TBC1D19: variants seen among roughly 807,000 people sequenced by gnomAD.
TBC1D19 encodes TBC1 domain family member 19.
In TBC1D19, 60 loss-of-function variants were observed where a neutral mutation model predicts 89.0. The ratio of observed to expected loss-of-function variants is 0.67; its 90% CI spans 0.55 to 0.84. TBC1D19 has a LOEUF of 0.84. Ranked by LOEUF, TBC1D19 falls within the 40% of genes least tolerant of loss-of-function variation. The probability of loss-of-function intolerance (pLI) is 0.00; values close to 1 mark genes in which losing one functional copy is unlikely to be tolerated. For missense variants in TBC1D19, 500 were observed against 610.8 expected, an observed-to-expected ratio of 0.82 and a Z score of 1.91; for synonymous variants, 189 against 199.7, an observed-to-expected ratio of 0.95 and a Z score of 0.45.
At chr4:26,612,709 A>T (rs1335553883) in intron 1 of TBC1D19, among the ~76,000 whole-genome samples, 2 of 152,160 alleles carry the variant, frequency 1.3e-5, no homozygotes, top group Non-Finnish European at 2.9e-5. Context: ...TATTTTCTAC[A>T]AATATACACA....
intron 15 of TBC1D19, among the ~76,000 whole-genome samples, chr4:26,734,605 G>A (rs1034447561): frequency 3.3e-5 from 5 of 152,096 alleles, no homozygotes; most frequent in South Asian, 2.1e-4. Flanking sequence ...AATTTGTATC[G>A]TATTTCTGCC....
the TBC1D19 span, among the ~76,000 whole-genome samples, chr4:26,853,572 C>T: frequency 1.3e-5 from 2 of 152,102 alleles, no homozygotes; most frequent in African/African-American, 2.4e-5. Flanking sequence ...GAGTCTCGCT[C>T]CGTCGCCCAG....
chr4:26,826,079 G>A, the TBC1D19 span, among the ~76,000 whole-genome samples: 1 of 152,166 alleles, frequency 6.6e-6, no homozygotes, highest in African/African-American at 2.4e-5. Context: ...GCATGCACCT[G>A]TAATCCCAGC....
the TBC1D19 span, among the ~76,000 whole-genome samples, chr4:26,788,447 G>A: frequency 1.3e-5 from 2 of 152,152 alleles, no homozygotes; most frequent in Admixed American, 6.5e-5. Context: ...AGGGCACATA[G>A]TTTTAATCAG....
chr4:26,830,296 G>T, the TBC1D19 span, among the ~76,000 whole-genome samples: 32 of 152,258 alleles, frequency 2.1e-4, no homozygotes, highest in African/African-American at 7.7e-4. Flanking sequence ...GACTCTACTG[G>T]GTGGTTCCCA....
chr4:26,596,444 T>A (rs1274748030), intron 1 of TBC1D19, among the ~76,000 whole-genome samples: 7 of 149,742 alleles, frequency 4.7e-5, no homozygotes, highest in African/African-American at 7.4e-5. Flanking sequence ...CCATTTCTGA[T>A]AATGGTAACT....
the TBC1D19 span, among the ~76,000 whole-genome samples, chr4:26,768,540 A>T: frequency 6.6e-6 from 1 of 152,212 alleles, no homozygotes; most frequent in Non-Finnish European, 1.5e-5. Flanking sequence ...GACACAGATG[A>T]TAGAATGTAT....
chr4:26,720,421 G>C (rs1439124261), intron 15 of TBC1D19, among the ~76,000 whole-genome samples: 1 of 152,082 alleles, frequency 6.6e-6, no homozygotes, highest in Non-Finnish European at 1.5e-5. Flanking sequence ...CTAATCCAAT[G>C]CAGACCTTCC....
At chr4:26,845,420 G>T in the TBC1D19 span, among the ~76,000 whole-genome samples, 1 of 152,146 alleles carries the variant, frequency 6.6e-6, no homozygotes, top group African/African-American at 2.4e-5. Context: ...ATTTTTAAGT[G>T]TACAATTTAG....
At chr4:26,609,322 T>C (rs953091471) in intron 1 of TBC1D19, among the ~76,000 whole-genome samples, 2 of 152,184 alleles carry the variant, frequency 1.3e-5, no homozygotes, top group African/African-American at 4.8e-5. Context: ...TCCTTGCCTT[T>C]GAATTTATAG....
chr4:26,582,805 T>C (rs1391702090), upstream of TBC1D19, among the ~76,000 whole-genome samples: 1 of 152,216 alleles, frequency 6.6e-6, no homozygotes, highest in African/African-American at 2.4e-5. Context: ...TTATTTAGAA[T>C]TTGTACTTAT....
At chr4:26,787,838 T>G in the TBC1D19 span, among the ~76,000 whole-genome samples, 1 of 152,152 alleles carries the variant, frequency 6.6e-6, no homozygotes, top group South Asian at 2.1e-4. Context: ...GTATTTATAG[T>G]TCCCCTTACC....
At chr4:26,724,183 T>C (rs78956229) in intron 15 of TBC1D19, among the ~76,000 whole-genome samples, 2,550 of 152,348 alleles carry the variant, frequency 0.017, 56 homozygotes, top group Non-Finnish European at 0.02. Flanking sequence ...CATTGACTGA[T>C]ACAAGGTGAG....
chr4:26,577,302 C>CGTGTGT (rs940827907), intron 1 of TBC1D19, among the ~76,000 whole-genome samples: 4 of 148,986 alleles, frequency 2.7e-5, no homozygotes, highest in Non-Finnish European at 6.0e-5. Context: ...TGTGTGTGTG[C>CGTGTGT]GTGTGTGTGT....
At chr4:26,841,225 A>C in the TBC1D19 span, among the ~76,000 whole-genome samples, 1 of 152,112 alleles carries the variant, frequency 6.6e-6, no homozygotes, top group South Asian at 2.1e-4. Flanking sequence ...ATTCTCTACC[A>C]AAAATACAAA....
chr4:26,589,283 AAACAACAAC>A (rs374314890), intron 1 of TBC1D19, among the ~76,000 whole-genome samples: 1 of 151,866 alleles, frequency 6.6e-6, no homozygotes, highest in Non-Finnish European at 1.5e-5. Context: ...TCAAAAACAC[AAACAACAAC>A]AACAACAACA....
chr4:26,855,944 A>G, the TBC1D19 span, among the ~76,000 whole-genome samples: 1 of 152,256 alleles, frequency 6.6e-6, no homozygotes, highest in Admixed American at 6.5e-5. Flanking sequence ...CTGAGCTAAC[A>G]TATCTATTAT....
chr4:26,734,032 G>T (rs1358139708), intron 15 of TBC1D19, among the ~76,000 whole-genome samples: 1 of 152,166 alleles, frequency 6.6e-6, no homozygotes, highest in Admixed American at 6.5e-5. Context: ...GATAGAGCAG[G>T]AGAGAGAGCA....
chr4:26,745,497 C>CTTTTTTTT lies in TBC1D19; in HGVS notation c.1320-2893_1320-2886dup, dbSNP rs71186486. On this transcript the variant is annotated intron_variant, in intron 18 of 20. Coordinates refer to ENST00000264866, the MANE Select transcript of TBC1D19 (RefSeq NM_018317.4). Reference sequence around the variant, plus strand: ...GTGCCATGAGGTTTACAATATACTTCTTTTTTTTTTTTTTTTTTTTTTTTT... The same window carrying CTTTTTTTT: ...GTGCCATGAGGTTTACAATATACTTCTTTTTTTTTTTTTTTTTTTTTTTTTTTTTTTTT... 2.5e-4 allele frequency among the ~76,000 whole-genome samples: 10 copies of CTTTTTTTT among 40,600 alleles called. 3 individuals carry two copies. Among genetic ancestry groups the CTTTTTTTT allele is most frequent in the East Asian group, 2.0e-3 (2 of 982 alleles). The allele number at this position is 40,600 out of a possible 152,430, so 26.6% of individuals were successfully genotyped here.
Sources: allele counts gnomAD v4.1 joint callset (sites outside exome capture counted in the v4.1 genomes callset), GRCh38; gene constraint gnomAD v4.1.1; transcripts MANE v1.5; gene names NCBI Gene and HGNC (gene_info 2026-07-23, HGNC 2026-07-21).